CSMD1: variants seen among roughly 807,000 people sequenced by gnomAD.
CSMD1 encodes CUB and Sushi multiple domains 1.
CSMD1 carries 213 observed loss-of-function variants against 417.5 expected under a neutral mutation model. The ratio of observed to expected loss-of-function variants is 0.51; its 90% CI spans 0.46 to 0.57. The LOEUF is 0.57. Among genes scored for constraint, CSMD1 ranks in the 20% least tolerant of loss-of-function variants. The pLI, the probability that CSMD1 is intolerant of heterozygous loss-of-function variation, is 0.00. For synonymous variants in CSMD1, 2,862 were observed against 1,736.8 expected, an observed-to-expected ratio of 1.65 and a Z score of -16.11; for missense variants, 6,923 against 4,529.7, an observed-to-expected ratio of 1.53 and a Z score of -15.17.
chr8:4,776,841 T>C (rs1197704532), intron 1 of CSMD1, among the ~76,000 whole-genome samples: 1 of 152,192 alleles, frequency 6.6e-6, no homozygotes, highest in East Asian at 1.9e-4. Flanking sequence ...TTTCTGATTC[T>C]GGAGCTTCCA....
intron 2 of CSMD1, among the ~76,000 whole-genome samples, chr8:4,503,123 T>A (rs186114240): frequency 6.6e-6 from 1 of 152,188 alleles, no homozygotes; most frequent in Non-Finnish European, 1.5e-5. Context: ...GAACTATGTG[T>A]AATGGATATG....
rs181982866 is a variant in CSMD1 at position 3,422,748 on chromosome 8, G to C, written c.1562-13143C>G. Among the ~76,000 whole-genome samples, 192 of 152,236 alleles carry C rather than the reference G, an allele frequency of 1.3e-3. 1 individual carries two copies. The highest frequency in any genetic ancestry group is 2.7e-3 in the Admixed American group (41 of 15,292). On this transcript the variant is annotated intron_variant, in intron 12 of 69. Transcript: ENST00000635120. Reference sequence around the variant, plus strand: ...TGCGATAACAGAAAAACATAGACTGGGTAATGTATGAAGAGCAGAAATGTA... The same window carrying C: ...TGCGATAACAGAAAAACATAGACTGCGTAATGTATGAAGAGCAGAAATGTA...
intron 7 of CSMD1, among the ~76,000 whole-genome samples, chr8:3,656,600 C>A (rs894429520): frequency 6.6e-6 from 1 of 152,134 alleles, no homozygotes; most frequent in Non-Finnish European, 1.5e-5. Flanking sequence ...CTTTACTCTC[C>A]TTTCTTCCTT....
At chr8:3,464,898 C>G (rs138742238) in intron 12 of CSMD1, among the ~76,000 whole-genome samples, 265 of 152,280 alleles carry the variant, frequency 1.7e-3, no homozygotes, top group African/African-American at 5.9e-3. Flanking sequence ...CCCTCAAGAG[C>G]TCTCTTTGTT....
intron 2 of CSMD1, among the ~76,000 whole-genome samples, chr8:4,447,621 C>T (rs150996874): frequency 6.6e-6 from 1 of 152,328 alleles, no homozygotes; most frequent in South Asian, 2.1e-4. Flanking sequence ...CTTGACTAAG[C>T]TTGTTCAAAG....
chr8:4,570,881 G>T (rs541817925), intron 2 of CSMD1, among the ~76,000 whole-genome samples: 20 of 152,278 alleles, frequency 1.3e-4, no homozygotes, highest in Non-Finnish European at 2.2e-4. Flanking sequence ...GAGAGTATGT[G>T]TACCCAGGAA....
chr8:4,868,714 G>A (rs962532584), intron 1 of CSMD1, among the ~76,000 whole-genome samples: 1 of 151,910 alleles, frequency 6.6e-6, no homozygotes, highest in Non-Finnish European at 1.5e-5. Context: ...AGTATTTGAT[G>A]CGGTACCAGT....
intron 3 of CSMD1, among the ~76,000 whole-genome samples, chr8:4,278,612 A>G (rs1796612432): frequency 6.6e-6 from 1 of 152,236 alleles, no homozygotes; most frequent in African/African-American, 2.4e-5. Context: ...AAATTCATGA[A>G]TGGAAACTCA....
chr8:4,693,843 G>A (rs994063857), intron 1 of CSMD1, among the ~76,000 whole-genome samples: 1 of 152,204 alleles, frequency 6.6e-6, no homozygotes, highest in Non-Finnish European at 1.5e-5. Context: ...TGCCTGGCCA[G>A]GTCCTATTCT....
chr8:4,490,983 G>A (rs761086178), intron 2 of CSMD1, among the ~76,000 whole-genome samples: 2 of 152,158 alleles, frequency 1.3e-5, no homozygotes, highest in African/African-American at 4.8e-5. Flanking sequence ...ACAGGGAGGA[G>A]TTCACAGGCT....
At chr8:3,307,472 G>C (rs1331581460) in intron 25 of CSMD1, among the ~76,000 whole-genome samples, 1 of 152,126 alleles carries the variant, frequency 6.6e-6, no homozygotes, top group Non-Finnish European at 1.5e-5. Flanking sequence ...GAAGCTAACT[G>C]ATACACTCTC....
At chr8:4,148,885 A>G (rs1475694965) in intron 3 of CSMD1, among the ~76,000 whole-genome samples, 2 of 152,084 alleles carry the variant, frequency 1.3e-5, no homozygotes, top group African/African-American at 2.4e-5. Flanking sequence ...CACAGCCTGC[A>G]TTCCATTCCC....
chr8:4,435,119 A>G (rs1235006271), intron 2 of CSMD1, among the ~76,000 whole-genome samples: 2 of 152,192 alleles, frequency 1.3e-5, no homozygotes, highest in East Asian at 3.8e-4. Flanking sequence ...AAATAAGGAA[A>G]AACTGTATTT....
At chr8:4,347,187 C>T (rs345147) in intron 3 of CSMD1, among the ~76,000 whole-genome samples, 1 of 152,032 alleles carries the variant, frequency 6.6e-6, no homozygotes, top group Non-Finnish European at 1.5e-5. Flanking sequence ...AGCTTTACTC[C>T]TAACTTATTA....
At chr8:4,181,041 A>G (rs1798342000) in intron 3 of CSMD1, among the ~76,000 whole-genome samples, 1 of 152,228 alleles carries the variant, frequency 6.6e-6, no homozygotes, top group Non-Finnish European at 1.5e-5. Flanking sequence ...AATAATGCAA[A>G]AAACTAAAGA....
intron 3 of CSMD1, among the ~76,000 whole-genome samples, chr8:4,134,265 C>T (rs1803285926): frequency 6.6e-6 from 1 of 152,146 alleles, no homozygotes; most frequent in African/African-American, 2.4e-5. Context: ...ATGCCATTGC[C>T]ACAAAATGTG....
chr8:3,197,652 G>T (rs1220729805), intron 33 of CSMD1, among the ~76,000 whole-genome samples: 1 of 151,852 alleles, frequency 6.6e-6, no homozygotes, highest in South Asian at 2.1e-4. Context: ...TTTTAGTAGA[G>T]ACGGGGTTTC....
chr8:4,386,541 A>C (rs1178332788), intron 3 of CSMD1, among the ~76,000 whole-genome samples: 1 of 152,242 alleles, frequency 6.6e-6, no homozygotes, highest in Admixed American at 6.5e-5. Context: ...GAGGAACTTA[A>C]AGCAAGCCTA....
intron 5 of CSMD1, among the ~76,000 whole-genome samples, chr8:3,838,407 T>G (rs28403508): frequency 0.83 from 123,938 of 149,168 alleles, 51,478 homozygotes; most frequent in East Asian, 0.97. Context: ...CCTATATATA[T>G]AGAGAGAGAC....
Sources: allele counts gnomAD v4.1 joint callset (sites outside exome capture counted in the v4.1 genomes callset), GRCh38; gene constraint gnomAD v4.1.1; transcripts MANE v1.5; gene names NCBI Gene and HGNC (gene_info 2026-07-23, HGNC 2026-07-21).